The following DUS2 variants were observed in gnomAD, a reference collection of about 807,000 sequenced individuals.
DUS2 encodes the protein dihydrouridine synthase 2.
In DUS2, 52 loss-of-function variants were observed where a neutral mutation model predicts 71.3. That is an observed-to-expected ratio of 0.73 (90% CI 0.58 to 0.92). DUS2 has a LOEUF of 0.92. Ranked by LOEUF, DUS2 falls within the 40% of genes least tolerant of loss-of-function variation. The pLI is 0.00. For missense variants in DUS2, 558 were observed against 622.6 expected (o/e 0.90, Z 1.10); for synonymous variants, 204 against 227.8 (o/e 0.90, Z 0.94).
chr16:68,047,881 A>G (rs1165960175), intron 3 of DUS2, among the ~76,000 whole-genome samples: 2 of 151,722 alleles, frequency 1.3e-5, no homozygotes, highest in Non-Finnish European at 2.9e-5. Context: ...TCTGGGCTTA[A>G]GCGATTCTCC....
intron 3 of DUS2, among the ~76,000 whole-genome samples, chr16:68,043,168 A>G (rs12934863): frequency 0.59 from 89,490 of 151,902 alleles, 29,356 homozygotes; most frequent in African/African-American, 0.89. Flanking sequence ...CAGAACTTTG[A>G]GAGGCCGACT....
chr16:68,035,346 G>A (rs1217444724), intron 2 of DUS2, among the ~76,000 whole-genome samples: 1 of 151,334 alleles, frequency 6.6e-6, no homozygotes, highest in Non-Finnish European at 1.5e-5. Context: ...ATTGTATCCT[G>A]TTTTCTTACT....
chr16:68,047,427 A>G (rs2033719910), intron 3 of DUS2, among the ~76,000 whole-genome samples: 1 of 151,862 alleles, frequency 6.6e-6, no homozygotes, highest in Non-Finnish European at 1.5e-5. Flanking sequence ...AAGTTTGTCA[A>G]TTTTGTTAAT....
At chr16:68,049,399 A>G (rs1218225282) in intron 3 of DUS2, 106 bp from the exon 4 acceptor site, 3 of 1,169,102 alleles carry the variant, frequency 2.6e-6, no homozygotes, top group Non-Finnish European at 3.8e-6. Context: ...TGTTCTTGGT[A>G]GTAGGGCGAC....
At chr16:68,060,071 A>C (rs760189093) in intron 7 of DUS2, among the ~76,000 whole-genome samples, 1 of 152,190 alleles carries the variant, frequency 6.6e-6, no homozygotes, top group Non-Finnish European at 1.5e-5. Flanking sequence ...GCACCTTAGT[A>C]GCTTTGCTGG....
At chr16:68,059,949 T>C (rs1419109230) in intron 7 of DUS2, among the ~76,000 whole-genome samples, 1 of 152,142 alleles carries the variant, frequency 6.6e-6, no homozygotes, top group East Asian at 1.9e-4. Flanking sequence ...AGTGGTTGTG[T>C]GGGTTGGTAG....
chr16:68,077,241 A>G (rs1292999671), intron 15 of DUS2: 1 of 152,016 alleles, frequency 6.6e-6, no homozygotes, highest in Non-Finnish European at 1.5e-5. Flanking sequence ...CAAAATAAAT[A>G]AATAAATAAA....
At chr16:68,023,431 G>C in intron 1 of DUS2, 80 bp downstream of exon 1, 2 of 577,250 alleles carry the variant, frequency 3.5e-6, no homozygotes, top group Non-Finnish European at 6.2e-6. Context: ...GGCAGGACTG[G>C]AGGCTGGCGA....
intron 2 of DUS2, among the ~76,000 whole-genome samples, chr16:68,030,833 A>G (rs933084604): frequency 3.3e-5 from 5 of 151,860 alleles, no homozygotes; most frequent in African/African-American, 9.7e-5. Flanking sequence ...TTGGACTCCC[A>G]ATGATTCTTC....
intron 3 of DUS2, among the ~76,000 whole-genome samples, chr16:68,047,419 G>A (rs1252515425): frequency 6.6e-6 from 1 of 152,024 alleles, no homozygotes; most frequent in African/African-American, 2.4e-5. Context: ...CTAGCTAAAA[G>A]TTTGTCAATT....
At chr16:68,040,083 T>C (rs2033599480) in intron 3 of DUS2, among the ~76,000 whole-genome samples, 1 of 151,622 alleles carries the variant, frequency 6.6e-6, no homozygotes, top group Non-Finnish European at 1.5e-5. Flanking sequence ...GGAATCTTTT[T>C]TTTTCTTTTT....
chr16:68,071,248 C>A, intron 12 of DUS2, 140 bp downstream of exon 12: 1 of 852,676 alleles, frequency 1.2e-6, no homozygotes, highest in Non-Finnish European at 1.8e-6. Flanking sequence ...AGTGTAGCTG[C>A]ACTAGCTCAC....
At chr16:68,058,172 C>T (rs184803243) in intron 7 of DUS2, among the ~76,000 whole-genome samples, 2 of 150,542 alleles carry the variant, frequency 1.3e-5, no homozygotes, top group African/African-American at 2.4e-5. Flanking sequence ...ACTGCAGGAT[C>T]GAAAACCTTG....
chr16:68,026,876 A>G (rs1280060538), intron 2 of DUS2: 3 of 75,842 alleles, frequency 4.0e-5, no homozygotes, highest in Admixed American at 1.3e-4. Context: ...AGTCTATCTG[A>G]AAAAAAAAAA....
At chr16:68,034,133 T>G (rs971140916) in intron 2 of DUS2, among the ~76,000 whole-genome samples, 4 of 152,088 alleles carry the variant, frequency 2.6e-5, no homozygotes, top group Non-Finnish European at 5.9e-5. Flanking sequence ...TGGTATGATA[T>G]CAGCTCAGCT....
chr16:68,032,140 G>A (rs1454583915), intron 2 of DUS2, among the ~76,000 whole-genome samples: 1 of 152,210 alleles, frequency 6.6e-6, no homozygotes, highest in Non-Finnish European at 1.5e-5. Context: ...ACTGGGAAAG[G>A]CATGGGGGCT....
At chr16:68,045,978 G>A (rs935508875) in intron 3 of DUS2, among the ~76,000 whole-genome samples, 1 of 152,040 alleles carries the variant, frequency 6.6e-6, no homozygotes, top group Non-Finnish European at 1.5e-5. Context: ...CCGGCCTCCC[G>A]AAGTGCTGGG....
intron 5 of DUS2, chr16:68,054,143 A>T (rs2033817912): frequency 1.0e-5 from 2 of 200,256 alleles, no homozygotes; most frequent in Non-Finnish European, 2.0e-5. Context: ...TTTCTAAAAA[A>T]TTGTTAACAA....
At chr16:68,070,064 A>G in intron 10 of DUS2, 70 bp from the exon 11 acceptor site, 1 of 1,409,742 alleles carries the variant, frequency 7.1e-7, no homozygotes, top group Non-Finnish European at 1.0e-6. Context: ...GGTTTGGCTG[A>G]GGTAACCCTG....
Sources: allele counts gnomAD v4.1 joint callset (sites outside exome capture counted in the v4.1 genomes callset), GRCh38; gene constraint gnomAD v4.1.1; transcripts MANE v1.5; gene names NCBI Gene and HGNC (gene_info 2026-07-23, HGNC 2026-07-21).